EDA: variants seen among roughly 807,000 people sequenced by gnomAD.
EDA encodes ectodysplasin-A.
In EDA, 2 loss-of-function variants were observed where a neutral mutation model predicts 23.6. The ratio of observed to expected loss-of-function variants is 0.08; its 90% CI spans 0.03 to 0.27. EDA has a LOEUF of 0.27. EDA is among the 10% of genes least tolerant of loss of function. The pLI, the probability that EDA is intolerant of heterozygous loss-of-function variation, is 1.00. For synonymous variants in EDA, 131 were observed against 132.0 expected (o/e 0.99, Z 0.05); for missense variants, 229 against 324.2 (o/e 0.71, Z 2.26).
At chrX:70,012,219 A>C (rs2019886792) in intron 2 of EDA, among the ~76,000 whole-genome samples, 1 of 112,443 alleles carries the variant, frequency 8.9e-6, no homozygotes, top group Non-Finnish European at 1.9e-5. Context: ...AGCTTATTAC[A>C]CTAGAAATAG....
chrX:69,964,811 AC>A (rs2019151950), intron 2 of EDA, among the ~76,000 whole-genome samples: 1 of 111,349 alleles, frequency 9.0e-6, no homozygotes, highest in African/African-American at 3.3e-5. Context: ...TACTTACACA[AC>A]CCTGCCTTAC....
intron 1 of EDA, among the ~76,000 whole-genome samples, chrX:69,618,096 CTTTA>C (rs1464134180): frequency 8.1e-5 from 9 of 111,691 alleles, no homozygotes; most frequent in African/African-American, 2.9e-4. Flanking sequence ...ATTCTGACTC[CTTTA>C]TTTATCTACT....
chrX:69,951,012 A>G (rs1289697071), intron 1 of EDA, among the ~76,000 whole-genome samples: 1 of 105,226 alleles, frequency 9.5e-6, no homozygotes, highest in Non-Finnish European at 1.9e-5. Context: ...TAGTGGGTGC[A>G]GCACACCAAC....
At chrX:69,744,122 G>A (rs2013544308) in intron 1 of EDA, among the ~76,000 whole-genome samples, 1 of 111,424 alleles carries the variant, frequency 9.0e-6, no homozygotes, top group Non-Finnish European at 1.9e-5. Flanking sequence ...AGTGCATTTG[G>A]TGCTTTACTT....
intron 7 of EDA, 113 bp from the exon 8 acceptor site, chrX:70,035,245 C>A (rs2020249125): frequency 2.3e-6 from 2 of 887,876 alleles, no homozygotes; most frequent in African/African-American, 2.0e-5. Flanking sequence ...CTGCCCCATC[C>A]ATGGGGTATA....
intron 2 of EDA, among the ~76,000 whole-genome samples, chrX:70,007,101 G>A (rs778826740): frequency 1.8e-5 from 2 of 111,681 alleles, no homozygotes; most frequent in South Asian, 7.5e-4. Context: ...TTAATTTGTG[G>A]TATTTCACAA....
rs1465755703 is a variant in EDA, at chrX:69,641,385, A to ATG, written c.396+24690_396+24691dup. On this transcript the variant is annotated intron_variant, in intron 1 of 7. Coordinates refer to ENST00000374552, the MANE Select transcript of EDA (RefSeq NM_001399.5). ...GGTTGGGAGAGATGTGAGGGTGTGT[A>ATG]TGTGTGTGTGCATATATACATATAT... Among the ~76,000 whole-genome samples the ATG allele has an allele frequency of 3.6e-5, 4 of 111,776 alleles. No individual in the cohort carries two copies. In the East Asian group the frequency reaches 8.4e-4, roughly 23 times the overall value.
intron 1 of EDA, among the ~76,000 whole-genome samples, chrX:69,856,256 T>G (rs1265272290): frequency 1.7e-4 from 13 of 78,615 alleles, no homozygotes; most frequent in Non-Finnish European, 3.2e-4. Context: ...TATTCCATGG[T>G]GTGTGTGTGT....
chrX:69,859,195 T>C (rs1395128466), intron 1 of EDA, among the ~76,000 whole-genome samples: 3 of 111,211 alleles, frequency 2.7e-5, no homozygotes, highest in Non-Finnish European at 3.8e-5. Flanking sequence ...CCTAGATTCA[T>C]TAATCTTTTA....
intron 1 of EDA, among the ~76,000 whole-genome samples, chrX:69,737,966 G>A (rs2520404): frequency 0.057 from 6,262 of 110,520 alleles, 170 homozygotes; most frequent in Middle Eastern, 0.14. Flanking sequence ...TATATAATAT[G>A]CCTTTAATTT....
chrX:69,697,495 G>T (rs1003651936), intron 1 of EDA, among the ~76,000 whole-genome samples: 4 of 111,820 alleles, frequency 3.6e-5, no homozygotes, highest in East Asian at 2.8e-4. Context: ...CGTGACATGG[G>T]GGGTGTTGTG....
chrX:70,013,329 C>T (rs1371546123), intron 2 of EDA, among the ~76,000 whole-genome samples: 4 of 111,176 alleles, frequency 3.6e-5, no homozygotes, highest in Non-Finnish European at 7.6e-5. Flanking sequence ...AGTAGCTCTT[C>T]CCTGTGAGTC....
At chrX:69,634,855 C>G (rs1434743285) in intron 1 of EDA, among the ~76,000 whole-genome samples, 7 of 112,083 alleles carry the variant, frequency 6.2e-5, no homozygotes, top group African/African-American at 2.3e-4. Context: ...TTTTTATTGT[C>G]TAGTGACATC....
At chrX:69,863,546 C>CAT (rs765899259) in intron 1 of EDA, among the ~76,000 whole-genome samples, 7,240 of 31,839 alleles carry the variant, frequency 0.23, 252 homozygotes, top group Middle Eastern at 0.39. Context: ...TATATATATA[C>CAT]ATATATGTAT....
chrX:69,719,222 T>G (rs892176017), intron 1 of EDA, among the ~76,000 whole-genome samples: 1 of 56,745 alleles, frequency 1.8e-5, no homozygotes, highest in Non-Finnish European at 5.1e-5. Flanking sequence ...ATTGTATTGT[T>G]TTTTTTTTCC....
chrX:69,789,702 A>AT (rs1199886254), intron 1 of EDA, among the ~76,000 whole-genome samples: 13 of 111,589 alleles, frequency 1.2e-4, no homozygotes, highest in African/African-American at 3.6e-4. Flanking sequence ...TTGTATCTAT[A>AT]TTCCTCCTTG....
At chrX:69,625,403 A>C (rs946353697) in intron 1 of EDA, among the ~76,000 whole-genome samples, 2 of 111,427 alleles carry the variant, frequency 1.8e-5, no homozygotes, top group African/African-American at 6.5e-5. Flanking sequence ...AACATGGTAC[A>C]TCCAGGAATA....
At position 69,697,197 on chromosome X, in the gene EDA, C is replaced by T. The variant is rs1021494420; in HGVS notation, c.396+80493C>T. Among the ~76,000 whole-genome samples, 18 of 111,653 alleles carry T rather than the reference C, an allele frequency of 1.6e-4. No homozygotes were observed. In the Admixed American group the frequency reaches 1.7e-3, roughly 11 times the overall value. ...GACAGGGCAGGGATTTTATAGTCTC[C>T]TCTAAACAGAAAGTGTCTCAGTCTG... On this transcript the variant is annotated intron_variant, in intron 1 of 7. Transcript: ENST00000374552.
chrX:69,787,635 C>G lies in EDA; in HGVS notation c.397-169392C>G, dbSNP rs763996524. Among the ~76,000 whole-genome samples the G allele has an allele frequency of 5.4e-4, 60 of 111,373 alleles. No individual in the cohort carries two copies. The South Asian group carries it at 0.023, about 42-fold the overall frequency. ...AATATTGGCCCCCACTCTCTTCTGG[C>G]TTGTAGAGTTTCTGCCGAGAGATCC... On this transcript the variant is annotated intron_variant, in intron 1 of 7. Transcript: ENST00000374552.
Sources: gnomAD v4.1 joint callset for allele counts (sites outside exome capture counted in the v4.1 genomes callset) on GRCh38, gnomAD v4.1.1 for gene constraint, MANE v1.5 for transcripts, NCBI Gene and HGNC (gene_info 2026-07-23, HGNC 2026-07-21) for gene names.